Variants in SLC45A4 observed in about 807,000 individuals in gnomAD.
The protein encoded by SLC45A4 is solute carrier family 45 member 4.
In SLC45A4, 32 loss-of-function variants were observed where a neutral mutation model predicts 63.7. The ratio of observed to expected loss-of-function variants is 0.50; its 90% confidence interval spans 0.38 to 0.67. SLC45A4 has a LOEUF of 0.67. SLC45A4 is among the 30% of genes least tolerant of loss of function. SLC45A4 has a pLI of 0.00. For synonymous variants in SLC45A4, 535 were observed against 510.0 expected (o/e 1.05, Z -0.66); for missense variants, 1,027 against 1,157.7 (o/e 0.89, Z 1.64).
intron 2 of SLC45A4, chr8:141,224,976 T>C (rs1826884159): frequency 1.3e-5 from 2 of 152,286 alleles, no homozygotes; most frequent in Admixed American, 1.3e-4. Context: ...TCTATTTTGA[T>C]ACTGTAGTTT....
At chr8:141,279,312 A>G (rs1354404597) in intron 1 of SLC45A4, among the ~76,000 whole-genome samples, 1 of 152,242 alleles carries the variant, frequency 6.6e-6, no homozygotes, top group African/African-American at 2.4e-5. Flanking sequence ...GGGAGCCAGG[A>G]CAAGTCTGGC....
At chr8:141,296,022 C>A (rs1830536295) in intron 1 of SLC45A4, among the ~76,000 whole-genome samples, 1 of 152,194 alleles carries the variant, frequency 6.6e-6, no homozygotes. Flanking sequence ...CATGGTGAGA[C>A]CCTCCCTATA....
intron 1 of SLC45A4, among the ~76,000 whole-genome samples, chr8:141,255,398 C>T (rs1027781102): frequency 3.9e-5 from 6 of 152,108 alleles, no homozygotes; most frequent in African/African-American, 1.4e-4. Context: ...AAACTGTAGA[C>T]CCTGCCTGGA....
Position 141,235,292 on chromosome 8 carries a change from G to C in SLC45A4, c.242-13527C>G, listed in dbSNP as rs1478951414. 2.0e-5 allele frequency among the ~76,000 whole-genome samples: 3 copies of C among 152,178 alleles called. No individual in the cohort carries two copies. In the East Asian group the frequency reaches 5.8e-4, roughly 29 times the overall value. On this transcript the variant is annotated intron_variant, in intron 2 of 8. Coordinates refer to ENST00000517878, the MANE Select transcript of SLC45A4 (RefSeq NM_001286646.2). ...TTTAAATGCATGAGACACACAGGCG[G>C]CCCCATTTATAAATCATGAGCGTCA... is the stretch of plus-strand genomic sequence containing the variant.
chr8:141,272,914 T>C (rs1208444966), intron 1 of SLC45A4, among the ~76,000 whole-genome samples: 1 of 152,224 alleles, frequency 6.6e-6, no homozygotes, highest in Non-Finnish European at 1.5e-5. Context: ...AAGCATTTAT[T>C]ACTCCACTTT....
chr8:141,215,942 G>A lies in SLC45A4; in HGVS notation c.1758C>T (p.Tyr586=), dbSNP rs567617494. The change falls in exon 7 of 9, where the codon TAC becomes TAT. Residue 586 remains tyrosine, a synonymous_variant. Transcript: ENST00000517878. This position sits in a 1 kb window ranked among gnomAD's most constrained non-coding sequence, Gnocchi z 4.3. Reference sequence around the variant, plus strand: ...CGTAGATCACCCTGACGCTCAGGTCGTAGTTGTCCAAGTACTTCTGTAACA... The same window carrying A: ...CGTAGATCACCCTGACGCTCAGGTCATAGTTGTCCAAGTACTTCTGTAACA... The part of the protein sequence containing the change: ...SALLQKYLDN[Y]DLSVRVIYVL... 1.9e-5 allele frequency: 31 copies of A among 1,613,930 alleles called. 1 individual carries two copies. The South Asian group carries it at 2.4e-4, about 13-fold the overall frequency.
chr8:141,236,679 T>A (rs1475523496), intron 2 of SLC45A4, among the ~76,000 whole-genome samples: 1 of 152,270 alleles, frequency 6.6e-6, no homozygotes, highest in Non-Finnish European at 1.5e-5. Flanking sequence ...TTGCTTTTAA[T>A]GGCAAAGTAA....
rs796999130 is a variant in SLC45A4 at position 141,254,910 on chromosome 8, T to G, written c.-400-281A>C. ...AGACAGAGAAAAACGCTGGAAATAT[T>G]CACTCTTTGGCCAGTAACAATATCG... On this transcript the variant is annotated intron_variant, in intron 1 of 8. Coordinates refer to ENST00000517878, the MANE Select transcript of SLC45A4 (RefSeq NM_001286646.2). The surrounding 1 kb of genome is among the most constrained non-coding windows in gnomAD (Gnocchi z 4.5). 2.7e-6 allele frequency: 1 copy of G among 376,536 alleles called. No individual in the cohort carries two copies. The highest frequency in any genetic ancestry group is 2.0e-5 in the South Asian group (1 of 49,068). 23.3% of individuals were successfully genotyped at this position (376,536 alleles called of 1,614,324 possible). A position where few individuals can be genotyped will look rare whatever the true frequency, so the allele number is the denominator to read the frequency against.
intron 1 of SLC45A4, among the ~76,000 whole-genome samples, chr8:141,266,956 G>A (rs146590385): frequency 1.3e-5 from 2 of 152,344 alleles, no homozygotes; most frequent in African/African-American, 4.8e-5. Flanking sequence ...GTGGTACCCT[G>A]GTCTGGCAAG....
At chr8:141,295,168 G>C (rs928801042) in intron 1 of SLC45A4, among the ~76,000 whole-genome samples, 4 of 152,232 alleles carry the variant, frequency 2.6e-5, no homozygotes, top group Non-Finnish European at 5.9e-5. Context: ...CCACAGGCTG[G>C]AGGCATGTGA....
intron 2 of SLC45A4, among the ~76,000 whole-genome samples, chr8:141,235,891 C>A (rs1827602226): frequency 6.6e-6 from 1 of 152,154 alleles, no homozygotes; most frequent in African/African-American, 2.4e-5. Flanking sequence ...CACCTGAGGT[C>A]AGGAGTTCGA....
Position 141,218,271 on chromosome 8 carries a change from C to A in SLC45A4, c.1369G>T (p.Asp457Tyr), listed in dbSNP as rs756654206. The A allele has an allele frequency of 6.2e-7, 1 of 1,603,578 alleles. No homozygotes were observed. Among genetic ancestry groups the A allele is most frequent in the Non-Finnish European group, 8.5e-7 (1 of 1,179,820 alleles). Residue 457 changes from aspartate (D) to tyrosine (Y), a missense_variant, in exon 5 of 9, where the codon GAC (aspartate) becomes TAC (tyrosine). Asp to Tyr is a radical substitution (Grantham distance 160). Coordinates refer to ENST00000517878, the MANE Select transcript of SLC45A4 (RefSeq NM_001286646.2). The part of the protein sequence containing the change: ...VLIKPSRSMS[D>Y]LYDMQKRQRQ... ...TGCCGCTTCTGCATGTCGTACAGGT[C>A]GCTCATGCTGCGCGACGGCTTGATC...
At position 141,218,744 on chromosome 8, in the gene SLC45A4, TC is replaced by T; in HGVS notation, c.895del (p.Asp299ThrfsTer80). 1 of 1,612,892 alleles carries T rather than the reference TC, an allele frequency of 6.2e-7. No homozygotes were observed. The highest frequency in any genetic ancestry group is 8.5e-7 in the Non-Finnish European group (1 of 1,179,574). On this transcript the variant is annotated frameshift_variant, in exon 5 of 9. Transcript: ENST00000517878. LOFTEE classifies it high-confidence loss of function. ...GCTTTTGCTGCGCATGATGTCCACG[TC>T]CGGGTAGTCCAGGGCCAGCTCGTGC... is the stretch of plus-strand genomic sequence containing the variant. Reference protein sequence around the residue: ...SEHELALDYPDVDIMRSKSDS... With the variant: ...SEHELALDYPXVDIMRSKSDS...
intron 2 of SLC45A4, among the ~76,000 whole-genome samples, chr8:141,244,326 G>A (rs1386640228): frequency 6.6e-6 from 1 of 152,182 alleles, no homozygotes; most frequent in Non-Finnish European, 1.5e-5. Flanking sequence ...GCCTCCTCCG[G>A]AATGTAATAC....
intron 2 of SLC45A4, among the ~76,000 whole-genome samples, chr8:141,241,980 G>A (rs910740582): frequency 2.6e-5 from 4 of 152,108 alleles, no homozygotes; most frequent in African/African-American, 4.8e-5. Context: ...GCCTTCGCAC[G>A]GACAGCGGGA....
chr8:141,306,910 G>A lies in SLC45A4; in HGVS notation c.-401+1186C>T, dbSNP rs1349204179. Among the ~76,000 whole-genome samples the A allele has an allele frequency of 1.3e-5, 2 of 152,216 alleles. 1 individual carries two copies. The highest frequency in any genetic ancestry group is 2.9e-5 in the Non-Finnish European group (2 of 68,032). On this transcript the variant is annotated intron_variant, in intron 1 of 8. Transcript: ENST00000517878. ...TAAACCCTCCTCGCTCCGGGTCATA[G>A]ACTGGAAAAGACAGCCCCCAAAACA...
Position 141,289,227 on chromosome 8 carries a change from G to A in SLC45A4, c.-401+18869C>T, listed in dbSNP as rs531615400. Among the ~76,000 whole-genome samples the A allele has an allele frequency of 1.8e-4, 27 of 152,276 alleles. No homozygotes were observed. The South Asian group carries it at 4.1e-3, about 23-fold the overall frequency. On this transcript the variant is annotated intron_variant, in intron 1 of 8. Transcript: ENST00000517878. ...GCGGGGGAGTGCACACTGCACTTTC[G>A]AGAAGGAGTGAGAAACAGGGCTGCT...
intron 8 of SLC45A4, 100 bp downstream of exon 8, chr8:141,212,097 T>C: frequency 4.2e-6 from 6 of 1,430,564 alleles, no homozygotes; most frequent in Non-Finnish European, 5.5e-6. Flanking sequence ...ATCTGCAGGG[T>C]TCCGCGGTGT....
chr8:141,287,744 A>C (rs1031984380), intron 1 of SLC45A4, among the ~76,000 whole-genome samples: 3 of 152,328 alleles, frequency 2.0e-5, no homozygotes, highest in Admixed American at 1.3e-4. Context: ...GCTGGGCAGA[A>C]GCAGGCAGCC....
Sources: gnomAD v4.1 joint callset for allele counts (sites outside exome capture counted in the v4.1 genomes callset) on GRCh38, gnomAD v4.1.1 for gene constraint, Gnocchi (gnomAD v3.1) non-coding constraint, MANE v1.5 for transcripts, NCBI Gene and HGNC (gene_info 2026-07-23, HGNC 2026-07-21) for gene names.